The following SCMH1 variants were observed in gnomAD, a reference collection of about 807,000 sequenced individuals.
The protein encoded by SCMH1 is polycomb protein SCMH1.
In SCMH1, 37 loss-of-function variants were observed where a neutral mutation model predicts 70.8. The ratio of observed to expected loss-of-function variants is 0.52; its 90% CI spans 0.40 to 0.69. SCMH1 has a LOEUF of 0.69. Ranked by LOEUF, SCMH1 falls within the 30% of genes least tolerant of loss-of-function variation. The pLI, the probability that SCMH1 is intolerant of heterozygous loss-of-function variation, is 0.00. For missense variants in SCMH1, 607 were observed against 827.3 expected, an observed-to-expected ratio of 0.73 and a Z score of 3.27; for synonymous variants, 292 against 307.4, an observed-to-expected ratio of 0.95 and a Z score of 0.52.
chr1:41,228,185 C>T (rs191586978), intron 1 of SCMH1, among the ~76,000 whole-genome samples: 2 of 152,244 alleles, frequency 1.3e-5, no homozygotes, highest in East Asian at 1.9e-4. Flanking sequence ...TGTAATTAGC[C>T]GTCTCTCAGA....
chr1:41,174,997 C>T (rs1647017954), intron 2 of SCMH1, among the ~76,000 whole-genome samples: 1 of 152,108 alleles, frequency 6.6e-6, no homozygotes, highest in Non-Finnish European at 1.5e-5. Flanking sequence ...TCAAGTATGG[C>T]TTAAGGAAAT....
chr1:41,116,229 T>C (rs1670439556), intron 7 of SCMH1, among the ~76,000 whole-genome samples: 1 of 152,206 alleles, frequency 6.6e-6, no homozygotes, highest in Admixed American at 6.5e-5. Context: ...AAGTGCTAGG[T>C]AATTCAGAAG....
At chr1:41,123,181 C>A (rs145651839) in intron 6 of SCMH1, among the ~76,000 whole-genome samples, 1 of 152,148 alleles carries the variant, frequency 6.6e-6, no homozygotes, top group African/African-American at 2.4e-5. Context: ...ATGATTGTGA[C>A]GCTGCATTCC....
At chr1:41,036,836 C>T (rs1361475246) in intron 13 of SCMH1, among the ~76,000 whole-genome samples, 1 of 152,166 alleles carries the variant, frequency 6.6e-6, no homozygotes, top group African/African-American at 2.4e-5. Flanking sequence ...TCTCCCTCCT[C>T]TACCAGCCCT....
chr1:41,114,653 G>A (rs756402745), intron 7 of SCMH1, among the ~76,000 whole-genome samples: 1 of 118,022 alleles, frequency 8.5e-6, no homozygotes, highest in Admixed American at 8.5e-5. Flanking sequence ...CACTTGTTAA[G>A]ATTTCCTTTC....
At chr1:41,192,101 T>C (rs1248455547) in intron 1 of SCMH1, among the ~76,000 whole-genome samples, 1 of 152,202 alleles carries the variant, frequency 6.6e-6, no homozygotes, top group Non-Finnish European at 1.5e-5. Flanking sequence ...TGTATGACTA[T>C]ATAACATGTC....
At chr1:41,201,417 T>C (rs891475911) in intron 1 of SCMH1, among the ~76,000 whole-genome samples, 2 of 152,228 alleles carry the variant, frequency 1.3e-5, no homozygotes, top group Non-Finnish European at 2.9e-5. Flanking sequence ...AGAACTCAAG[T>C]GTTCTCTTAG....
chr1:41,086,085 C>T (rs892417139), intron 8 of SCMH1, among the ~76,000 whole-genome samples: 7 of 151,984 alleles, frequency 4.6e-5, no homozygotes, highest in African/African-American at 4.8e-5. Flanking sequence ...GTGATCTGCC[C>T]GCCTTGGCCT....
At chr1:41,239,024 A>G (rs1662957597) in intron 1 of SCMH1, among the ~76,000 whole-genome samples, 1 of 152,126 alleles carries the variant, frequency 6.6e-6, no homozygotes. Flanking sequence ...ATTTTCTCAG[A>G]TTCATTTCTT....
Position 41,210,842 on chromosome 1 carries a change from C to A in SCMH1, c.-117-24592G>T, listed in dbSNP as rs1573096676. On this transcript the variant is annotated intron_variant, in intron 1 of 14. Coordinates refer to ENST00000337495, the Ensembl canonical transcript of SCMH1. ...TTTTTTTTTTTAAGATGGAGTCTTG[C>A]TCTGTCACTCAGGCTGGAGTGCAAT... Among the ~76,000 whole-genome samples the A allele has an allele frequency of 2.6e-5, 4 of 151,150 alleles. No individual in the cohort carries two copies. In the East Asian group the frequency reaches 7.8e-4, roughly 29 times the overall value.
chr1:41,146,241 T>C (rs1644550853), intron 5 of SCMH1, among the ~76,000 whole-genome samples: 1 of 152,080 alleles, frequency 6.6e-6, no homozygotes, highest in African/African-American at 2.4e-5. Flanking sequence ...AATTAAAAAT[T>C]ATTTTTCTAC....
chr1:41,239,261 C>T (rs191096959), intron 1 of SCMH1, among the ~76,000 whole-genome samples: 4 of 152,320 alleles, frequency 2.6e-5, no homozygotes, highest in East Asian at 1.9e-4. Context: ...TGGTTCTCTA[C>T]GCAAGCCATT....
intron 2 of SCMH1, among the ~76,000 whole-genome samples, chr1:41,175,320 A>G (rs935708478): frequency 6.6e-6 from 1 of 152,162 alleles, no homozygotes; most frequent in African/African-American, 2.4e-5. Flanking sequence ...CTAGTTCTTG[A>G]GCCTCCAGTA....
rs1342318069 is a variant in SCMH1, at chr1:41,213,630, T to A, written c.-117-27380A>T. The stretch of plus-strand genomic sequence containing the variant: ...CTAAATTACCCCCCATTTATTACCA[T>A]TAGATCATACCCGCTTTGTCCAATT... On this transcript the variant is annotated intron_variant, in intron 1 of 14. Coordinates refer to ENST00000337495, the Ensembl canonical transcript of SCMH1. Among the ~76,000 whole-genome samples the A allele has an allele frequency of 3.3e-5, 5 of 152,246 alleles. No individual in the cohort carries two copies. The East Asian group carries it at 9.6e-4, about 29-fold the overall frequency.
intron 12 of SCMH1, among the ~76,000 whole-genome samples, chr1:41,038,501 T>G (rs1645629949): frequency 6.6e-6 from 1 of 152,196 alleles, no homozygotes; most frequent in Non-Finnish European, 1.5e-5. Context: ...GAGCCTCTGA[T>G]GAACACTAAA....
chr1:41,097,684 C>T lies in SCMH1; in HGVS notation c.745+15599G>A, dbSNP rs182104897. Among the ~76,000 whole-genome samples, 6 of 152,294 alleles carry T rather than the reference C, an allele frequency of 3.9e-5. No individual in the cohort carries two copies. The East Asian group carries it at 1.2e-3, about 29-fold the overall frequency. On this transcript the variant is annotated intron_variant, in intron 8 of 14. Coordinates refer to ENST00000337495, the Ensembl canonical transcript of SCMH1. ...ATACCACTGCCTCAACTTTAATATA[C>T]ATCCTCAAAATCCCTTGTCTTAATC...
chr1:41,230,832 A>G (rs111368232), intron 1 of SCMH1, among the ~76,000 whole-genome samples: 295 of 152,274 alleles, frequency 1.9e-3, no homozygotes, highest in African/African-American at 6.7e-3. Context: ...TCCCAATTCA[A>G]TATAATTTTT....
chr1:41,115,524 A>G (rs1488483238), intron 7 of SCMH1, among the ~76,000 whole-genome samples: 1 of 152,050 alleles, frequency 6.6e-6, no homozygotes, highest in Admixed American at 6.5e-5. Flanking sequence ...TGCAGCCTCA[A>G]TCTCCTGGGC....
At chr1:41,143,502 T>C (rs1644282830) in intron 5 of SCMH1, among the ~76,000 whole-genome samples, 1 of 152,210 alleles carries the variant, frequency 6.6e-6, no homozygotes, top group Admixed American at 6.5e-5. Flanking sequence ...AATATTTCAG[T>C]ATATTGGTGT....
Sources: gnomAD v4.1 joint callset for allele counts (sites outside exome capture counted in the v4.1 genomes callset) on GRCh38, gnomAD v4.1.1 for gene constraint, MANE v1.5 for transcripts, NCBI Gene and HGNC (gene_info 2026-07-23, HGNC 2026-07-21) for gene names.